Variants in AGO2 observed in about 807,000 individuals in gnomAD.
AGO2 encodes the protein protein argonaute-2.
Under a neutral mutation model 102.3 loss-of-function variants are expected in AGO2, and 5 were observed. The observed-to-expected ratio is 0.05, with a 90% CI of 0.03 to 0.10. The LOEUF is 0.10. Ranked by LOEUF, AGO2 falls within the 10% of genes least tolerant of loss-of-function variation. The pLI is 1.00. For synonymous variants in AGO2, 449 were observed against 473.1 expected (o/e 0.95, Z 0.66); for missense variants, 541 against 1,183.7 (o/e 0.46, Z 7.97).
intron 17 of AGO2, among the ~76,000 whole-genome samples, chr8:140,534,051 GCT>G (rs977982310): frequency 1.3e-5 from 2 of 152,200 alleles, no homozygotes; most frequent in Non-Finnish European, 2.9e-5. Context: ...CCTGCCACCT[GCT>G]CTGTGTCTAG....
chr8:140,563,890 G>A (rs1398594269), intron 3 of AGO2, among the ~76,000 whole-genome samples: 1 of 152,224 alleles, frequency 6.6e-6, no homozygotes, highest in Non-Finnish European at 1.5e-5. Flanking sequence ...CCCAGGGCCT[G>A]GCCTCTTGCC....
At chr8:140,535,375 C>G in intron 17 of AGO2, 93 bp downstream of exon 17, 1 of 1,299,486 alleles carries the variant, frequency 7.7e-7, no homozygotes, top group Non-Finnish European at 1.1e-6. Flanking sequence ...CACACCACAT[C>G]CCACGTGCCA....
chr8:140,611,854 G>A (rs2074082509), intron 1 of AGO2, among the ~76,000 whole-genome samples: 1 of 152,154 alleles, frequency 6.6e-6, no homozygotes, highest in Admixed American at 6.5e-5. Flanking sequence ...TAAAATTCAA[G>A]CTTTAACATA....
intron 3 of AGO2, among the ~76,000 whole-genome samples, chr8:140,563,047 T>C (rs111857250): frequency 3.6e-4 from 55 of 152,254 alleles, no homozygotes; most frequent in Admixed American, 3.5e-3. Flanking sequence ...GAACCCACAG[T>C]TGAATCGCGA....
At chr8:140,606,438 A>G (rs193266494) in intron 1 of AGO2, among the ~76,000 whole-genome samples, 3 of 152,340 alleles carry the variant, frequency 2.0e-5, no homozygotes, top group Admixed American at 1.3e-4. Flanking sequence ...AAACAACATT[A>G]TTCAAGAACC....
intron 1 of AGO2, among the ~76,000 whole-genome samples, chr8:140,595,949 T>TATTTATA (rs1554708939): frequency 8.8e-6 from 1 of 113,764 alleles, no homozygotes; most frequent in Non-Finnish European, 1.7e-5. Flanking sequence ...ATATATATTT[T>TATTTATA]ATATATAATA....
At chr8:140,545,185 C>T (rs573435544) in intron 13 of AGO2, among the ~76,000 whole-genome samples, 1 of 152,294 alleles carries the variant, frequency 6.6e-6, no homozygotes, top group Admixed American at 6.5e-5. Context: ...GCCTGCCTTG[C>T]GGCAGAGCTC....
upstream of AGO2, among the ~76,000 whole-genome samples, chr8:140,639,452 A>G (rs13249705): frequency 0.71 from 105,526 of 148,848 alleles, 38,634 homozygotes; most frequent in Middle Eastern, 0.8. Flanking sequence ...CTGCACTCCA[A>G]CCTGGAGGAC....
intron 1 of AGO2, among the ~76,000 whole-genome samples, chr8:140,617,829 C>A (rs2074160852): frequency 6.6e-6 from 1 of 151,488 alleles, no homozygotes; most frequent in South Asian, 2.1e-4. Flanking sequence ...GCAGCCTGGA[C>A]AACATAGTGA....
intron 1 of AGO2, among the ~76,000 whole-genome samples, chr8:140,593,550 T>TAA (rs201599088): frequency 5.9e-5 from 8 of 135,456 alleles, no homozygotes; most frequent in Non-Finnish European, 7.8e-5. Context: ...CTAGGAAAGT[T>TAA]AAAAAAAAAA....
intron 1 of AGO2, chr8:140,593,203 T>TC (rs1271106026): frequency 7.9e-6 from 1 of 125,944 alleles, no homozygotes; most frequent in Non-Finnish European, 1.9e-5. Flanking sequence ...AGACCAAAAC[T>TC]TTTTTTTTGA....
Position 140,606,669 on chromosome 8 carries a change from G to T in AGO2, c.23-21358C>A, listed in dbSNP as rs576776279. On this transcript the variant is annotated intron_variant, in intron 1 of 18. Transcript: ENST00000220592. ...ATTCTATAATTGGCTGGGCGCGGTGGCTCATGCCTGTAATCCCAACACTTT... is the reference window on the plus strand; with the variant it reads ...ATTCTATAATTGGCTGGGCGCGGTGTCTCATGCCTGTAATCCCAACACTTT... Among the ~76,000 whole-genome samples the T allele has an allele frequency of 2.6e-5, 4 of 152,360 alleles. No individual in the cohort carries two copies. In the South Asian group the frequency reaches 8.3e-4, roughly 32 times the overall value.
At chr8:140,635,697 G>T (rs2074400638), upstream of AGO2, 1 of 166,484 alleles carries the variant, frequency 6.0e-6, no homozygotes, top group South Asian at 1.7e-4. Flanking sequence ...GGGAGGGGCG[G>T]GGGAGGAAGG....
chr8:140,597,292 A>G (rs944411301), intron 1 of AGO2, among the ~76,000 whole-genome samples: 1 of 152,244 alleles, frequency 6.6e-6, no homozygotes, highest in Non-Finnish European at 1.5e-5. Flanking sequence ...AGGGATTCCA[A>G]TTCCCAGAGC....
At chr8:140,618,767 C>T (rs190795750) in intron 1 of AGO2, among the ~76,000 whole-genome samples, 11 of 151,778 alleles carry the variant, frequency 7.2e-5, no homozygotes, top group Admixed American at 7.2e-4. Flanking sequence ...CTGCAGTGAG[C>T]CGTGATTGTA....
intron 10 of AGO2, among the ~76,000 whole-genome samples, chr8:140,554,076 C>A (rs568172845): frequency 6.6e-6 from 1 of 152,354 alleles, no homozygotes; most frequent in East Asian, 1.9e-4. Flanking sequence ...GTTTTTCAGA[C>A]AACCACTGCC....
intron 1 of AGO2, among the ~76,000 whole-genome samples, chr8:140,599,374 G>C (rs1003506740): frequency 1.3e-5 from 2 of 152,184 alleles, no homozygotes; most frequent in African/African-American, 4.8e-5. Context: ...AGAAAAACGC[G>C]TGCTGGAATC....
intron 1 of AGO2, among the ~76,000 whole-genome samples, chr8:140,601,468 GC>G (rs551589154): frequency 1.5e-4 from 23 of 152,306 alleles, no homozygotes; most frequent in African/African-American, 5.3e-4. Context: ...CTCTGTTTCT[GC>G]CCCCCTGGTC....
intron 1 of AGO2, among the ~76,000 whole-genome samples, chr8:140,625,663 A>T (rs1391495445): frequency 6.6e-6 from 1 of 152,052 alleles, no homozygotes; most frequent in African/African-American, 2.4e-5. Flanking sequence ...AGGGAGTCCA[A>T]CCAGAGTTCC....
Sources: gnomAD v4.1 joint callset for allele counts (sites outside exome capture counted in the v4.1 genomes callset) on GRCh38, gnomAD v4.1.1 for gene constraint, MANE v1.5 for transcripts, NCBI Gene and HGNC (gene_info 2026-07-23, HGNC 2026-07-21) for gene names.